Variants in CNNM2 observed in about 807,000 individuals in gnomAD.
The protein encoded by CNNM2 is cyclin and CBS domain divalent metal cation transport mediator 2, also known as metal transporter CNNM2.
CNNM2 carries 12 observed loss-of-function variants against 66.9 expected under a neutral mutation model. The ratio of observed to expected loss-of-function variants is 0.18; its 90% CI spans 0.11 to 0.29. The LOEUF (loss-of-function observed/expected upper bound fraction) is 0.29, where lower values mean the gene tolerates loss of function less well. Among genes scored for constraint, CNNM2 ranks in the 10% least tolerant of loss-of-function variants. CNNM2 has a pLI of 1.00. For missense variants in CNNM2, 705 were observed against 1,167.7 expected (o/e 0.60, Z 5.77); for synonymous variants, 557 against 501.8 (o/e 1.11, Z -1.47).
At chr10:103,011,646 CTGTGTGTGTGTGTGTGTGTG>C (rs10624803) in intron 1 of CNNM2, among the ~76,000 whole-genome samples, 1 of 136,056 alleles carries the variant, frequency 7.3e-6, no homozygotes, top group East Asian at 2.1e-4. Context: ...AATACTTGCA[CTGTGTGTGTGTGTGTGTGTG>C]TGTGTGTGTG....
At chr10:102,963,214 T>C (rs2063411910) in intron 1 of CNNM2, among the ~76,000 whole-genome samples, 1 of 152,180 alleles carries the variant, frequency 6.6e-6, no homozygotes, top group East Asian at 1.9e-4. Context: ...GAGGACTAAG[T>C]AAGTAGTTCC....
chr10:102,988,510 A>G (rs1010905210), intron 1 of CNNM2, among the ~76,000 whole-genome samples: 1 of 152,112 alleles, frequency 6.6e-6, no homozygotes, highest in Admixed American at 6.6e-5. Flanking sequence ...TTGACATGTC[A>G]TTTTAAGAAT....
At chr10:103,025,458 G>A (rs556302365) in intron 1 of CNNM2, among the ~76,000 whole-genome samples, 2 of 152,332 alleles carry the variant, frequency 1.3e-5, no homozygotes, top group African/African-American at 4.8e-5. Context: ...TGATACTTCA[G>A]CACCACACAA....
chr10:103,032,047 A>G (rs1315576729), intron 1 of CNNM2, among the ~76,000 whole-genome samples: 2 of 152,240 alleles, frequency 1.3e-5, no homozygotes, highest in Non-Finnish European at 2.9e-5. Flanking sequence ...GGGAGTGAGC[A>G]CTGGGGCCTA....
chr10:103,007,527 G>C (rs898328432), intron 1 of CNNM2, among the ~76,000 whole-genome samples: 5 of 152,028 alleles, frequency 3.3e-5, no homozygotes, highest in Non-Finnish European at 5.9e-5. Context: ...CTCCCCCCAG[G>C]AATGCATTCC....
intron 4 of CNNM2, among the ~76,000 whole-genome samples, chr10:103,061,378 G>A (rs1420859786): frequency 6.6e-6 from 1 of 152,090 alleles, no homozygotes; most frequent in African/African-American, 2.4e-5. Flanking sequence ...GCAACAGAGC[G>A]AGACTCTGTC....
chr10:102,928,601 A>C (rs1845959279), intron 1 of CNNM2, among the ~76,000 whole-genome samples: 1 of 150,884 alleles, frequency 6.6e-6, no homozygotes, highest in South Asian at 2.1e-4. Flanking sequence ...AAAAAAAAAG[A>C]AATTTATTTC....
chr10:103,076,782 G>T (rs1005111735), intron 7 of CNNM2, among the ~76,000 whole-genome samples, 189 bp from the exon 8 acceptor site: 49 of 152,310 alleles, frequency 3.2e-4, no homozygotes, highest in Middle Eastern at 3.4e-3. Flanking sequence ...TTGGAAGTGG[G>T]TTACATCAGT....
intron 2 of CNNM2, among the ~76,000 whole-genome samples, chr10:103,050,391 C>T (rs867727790): frequency 5.3e-5 from 8 of 151,940 alleles, no homozygotes; most frequent in Middle Eastern, 3.4e-3. Context: ...ATTAGCTGGG[C>T]GTAGTGGTAG....
chr10:103,037,950 C>T (rs1297466335), intron 1 of CNNM2, among the ~76,000 whole-genome samples: 1 of 152,062 alleles, frequency 6.6e-6, no homozygotes, highest in Non-Finnish European at 1.5e-5. Flanking sequence ...AGCGATTCTC[C>T]TGCCTCATCC....
intron 1 of CNNM2, among the ~76,000 whole-genome samples, chr10:102,983,348 T>A (rs946444636): frequency 8.8e-5 from 13 of 147,412 alleles, no homozygotes; most frequent in African/African-American, 2.0e-4. Flanking sequence ...TATATATATT[T>A]TATATATATA....
intron 1 of CNNM2, among the ~76,000 whole-genome samples, chr10:102,951,304 C>T (rs879557658): frequency 1.3e-5 from 2 of 152,032 alleles, no homozygotes; most frequent in Non-Finnish European, 2.9e-5. Flanking sequence ...TCAAGTGATC[C>T]TCCTGCCTCA....
At chr10:103,025,974 C>G (rs1000011984) in intron 1 of CNNM2, among the ~76,000 whole-genome samples, 8 of 152,168 alleles carry the variant, frequency 5.3e-5, no homozygotes, top group African/African-American at 1.9e-4. Flanking sequence ...TCAGGTTCCT[C>G]GTGAATGGAT....
At position 102,936,753 on chromosome 10, in the gene CNNM2, G is replaced by C. The variant is rs1846256283; in HGVS notation, c.1621+16652G>C. Among the ~76,000 whole-genome samples the C allele has an allele frequency of 2.6e-5, 4 of 152,160 alleles. No individual in the cohort carries two copies. The South Asian group carries it at 8.3e-4, about 32-fold the overall frequency. ...TATTAACCAACAGTGACTATCTTTT[G>C]ATGTGGTGGGTTTAGGGGAGGAAGT... On this transcript the variant is annotated intron_variant, in intron 1 of 7. Coordinates refer to ENST00000369878, the MANE Select transcript of CNNM2 (RefSeq NM_017649.5).
chr10:102,988,837 CG>C (rs2063845196), intron 1 of CNNM2, among the ~76,000 whole-genome samples: 1 of 152,180 alleles, frequency 6.6e-6, no homozygotes, highest in Non-Finnish European at 1.5e-5. Context: ...TTGTTCTCCA[CG>C]GAAGTGAGGC....
intron 1 of CNNM2, among the ~76,000 whole-genome samples, chr10:103,019,760 C>T (rs1056646448): frequency 6.6e-6 from 1 of 152,114 alleles, no homozygotes; most frequent in Non-Finnish European, 1.5e-5. Context: ...AATTTAAATA[C>T]ACTGTTCTAT....
At chr10:103,069,201 C>T (rs1260368769) in intron 5 of CNNM2, among the ~76,000 whole-genome samples, 2 of 152,078 alleles carry the variant, frequency 1.3e-5, no homozygotes, top group African/African-American at 4.8e-5. Context: ...GAATACACAG[C>T]AGTGCACGTG....
rs78512028 is a variant in CNNM2 at position 103,073,021 on chromosome 10, T to A, written c.2233+1182T>A. Among the ~76,000 whole-genome samples, 207 of 152,356 alleles carry A rather than the reference T, an allele frequency of 1.4e-3. 6 individuals carry two copies. In the East Asian group the frequency reaches 0.039, roughly 29 times the overall value. On this transcript the variant is annotated intron_variant, in intron 6 of 7. Transcript: ENST00000369878. ...ATGTGGACCTTTATTATTATTAATA[T>A]TTTAAGTAAGATGGCACTTGAGGCT...
intron 2 of CNNM2, among the ~76,000 whole-genome samples, chr10:103,051,566 C>T (rs1395413526): frequency 6.6e-6 from 1 of 151,660 alleles, no homozygotes; most frequent in Admixed American, 6.6e-5. Flanking sequence ...CATGGCGAAA[C>T]ACCATCTCTA....
Sources: gnomAD v4.1 joint callset for allele counts (sites outside exome capture counted in the v4.1 genomes callset) on GRCh38, gnomAD v4.1.1 for gene constraint, MANE v1.5 for transcripts, NCBI Gene and HGNC (gene_info 2026-07-23, HGNC 2026-07-21) for gene names.